NINL: variants seen among roughly 807,000 people sequenced by gnomAD.
NINL encodes ninein like.
In NINL, 153 loss-of-function variants were observed where a neutral mutation model predicts 160.3. The observed-to-expected ratio is 0.95, with a 90% CI of 0.84 to 1.09. NINL has a LOEUF of 1.09. NINL is among the 50% of genes least tolerant of loss of function. NINL has a pLI of 0.00. For synonymous variants in NINL, 800 were observed against 734.8 expected, an observed-to-expected ratio of 1.09 and a Z score of -1.43; for missense variants, 1,829 against 1,764.0, an observed-to-expected ratio of 1.04 and a Z score of -0.66.
intron 18 of NINL, 33 bp downstream of exon 18, chr20:25,469,958 C>A (rs2146430901): frequency 3.3e-6 from 5 of 1,535,514 alleles, no homozygotes; most frequent in Non-Finnish European, 4.5e-6. Context: ...AAAACGCACC[C>A]CCAGAAGGTC....
chr20:25,536,520 G>A (rs527772806), intron 1 of NINL, among the ~76,000 whole-genome samples: 1 of 152,304 alleles, frequency 6.6e-6, no homozygotes, highest in African/African-American at 2.4e-5. Flanking sequence ...AGACCAGCCT[G>A]GCCAACATGG....
chr20:25,575,659 G>A (rs1435238111), intron 1 of NINL, among the ~76,000 whole-genome samples: 1 of 151,854 alleles, frequency 6.6e-6, no homozygotes, highest in Non-Finnish European at 1.5e-5. Context: ...GCTGAGGCAG[G>A]AGAATTGTTG....
At chr20:25,560,785 G>A (rs2064924717) in intron 1 of NINL, among the ~76,000 whole-genome samples, 1 of 152,120 alleles carries the variant, frequency 6.6e-6, no homozygotes, top group East Asian at 1.9e-4. Flanking sequence ...AAGGAAGGAG[G>A]CAGCATCTGA....
chr20:25,477,034 C>G lies in NINL; in HGVS notation c.2257G>C (p.Ala753Pro), dbSNP rs377283535. The G allele has an allele frequency of 1.9e-6, 3 of 1,599,118 alleles. No individual in the cohort carries two copies. Among genetic ancestry groups the G allele is most frequent in the Non-Finnish European group, 2.5e-6 (3 of 1,179,622 alleles). Residue 753 changes from alanine to proline, a missense_variant, in exon 17 of 24, where the codon GCT becomes CCT. Coordinates refer to ENST00000278886, the MANE Select transcript of NINL (RefSeq NM_025176.6). The part of the protein sequence containing the change: ...GELSGLGALP[A>P]RRDLTLELEE... ...AGCTCCAAGGTCAGGTCTCTGCGAG[C>G]GGGCAGGGCTCCCAGCCCCGACAGC...
At chr20:25,553,300 T>C (rs1185004454) in intron 1 of NINL, among the ~76,000 whole-genome samples, 1 of 151,608 alleles carries the variant, frequency 6.6e-6, no homozygotes, top group Non-Finnish European at 1.5e-5. Flanking sequence ...AGACATACTG[T>C]TACAAAAAAA....
intron 1 of NINL, among the ~76,000 whole-genome samples, chr20:25,581,173 G>C (rs1256060544): frequency 6.6e-6 from 1 of 152,222 alleles, no homozygotes; most frequent in African/African-American, 2.4e-5. Context: ...GGGTGCAGTG[G>C]CTCACGCCCG....
At chr20:25,529,060 G>T (rs957354415) in intron 1 of NINL, among the ~76,000 whole-genome samples, 2 of 152,104 alleles carry the variant, frequency 1.3e-5, no homozygotes, top group African/African-American at 4.8e-5. Context: ...ACTCCCCAAT[G>T]GAAAATGTGC....
chr20:25,575,708 G>A (rs1358631030), intron 1 of NINL, among the ~76,000 whole-genome samples: 4 of 150,300 alleles, frequency 2.7e-5, no homozygotes, highest in African/African-American at 9.8e-5. Flanking sequence ...CCGAGATCGC[G>A]CCATCCAGCC....
rs758746224 is a variant in NINL, at chr20:25,476,591, G to A, written c.2700C>T (p.His900=). 2.3e-5 allele frequency: 36 copies of A among 1,598,620 alleles called. No individual in the cohort carries two copies. The highest frequency in any genetic ancestry group is 4.4e-5 in the South Asian group (4 of 90,782). Residue 900 remains histidine, a synonymous_variant, in exon 17 of 24, where the codon CAC becomes CAT. Transcript: ENST00000278886. ...TGCGTGACCACCTCTCTGAGGGGCC[G>A]TGGGATGCCGGGGCAGGGGCGGGGG... ...SPAPAPAPAS[H]GPSERWSRMQ...
At chr20:25,494,048 C>G (rs576848842) in intron 10 of NINL, among the ~76,000 whole-genome samples, 1 of 151,996 alleles carries the variant, frequency 6.6e-6, no homozygotes, top group African/African-American at 2.4e-5. Context: ...AGGGGGCCCA[C>G]AGGCCGCACA....
intron 2 of NINL, among the ~76,000 whole-genome samples, chr20:25,518,595 T>C (rs373672560): frequency 1.8e-4 from 27 of 152,340 alleles, no homozygotes; most frequent in African/African-American, 5.5e-4. Flanking sequence ...CTCTTAAGAA[T>C]AGTAACAGTT....
chr20:25,458,346 C>G, intron 22 of NINL, 37 bp downstream of exon 22: 1 of 1,602,372 alleles, frequency 6.2e-7, no homozygotes, highest in Non-Finnish European at 8.5e-7. Flanking sequence ...CCCTCCTCCT[C>G]ATCTCGTCAG....
At chr20:25,530,398 G>GT (rs2146984641) in intron 1 of NINL, among the ~76,000 whole-genome samples, 1 of 152,288 alleles carries the variant, frequency 6.6e-6, no homozygotes, top group South Asian at 2.1e-4. Context: ...GTGCAGGGCT[G>GT]TAACATCATG....
At chr20:25,474,789 ATT>A (rs1009503014) in intron 17 of NINL, among the ~76,000 whole-genome samples, 6 of 137,858 alleles carry the variant, frequency 4.4e-5, no homozygotes. Flanking sequence ...TAATTTTTGT[ATT>A]TTTTTTTTTT....
At chr20:25,548,739 C>G (rs1185671383) in intron 1 of NINL, among the ~76,000 whole-genome samples, 15 of 150,562 alleles carry the variant, frequency 1.0e-4, no homozygotes, top group Non-Finnish European at 2.2e-4. Context: ...ATCTCCCACA[C>G]CCGGCCTCAC....
intron 1 of NINL, among the ~76,000 whole-genome samples, chr20:25,528,663 C>G (rs2146972958): frequency 6.6e-6 from 1 of 152,004 alleles, no homozygotes; most frequent in South Asian, 2.1e-4. Context: ...TACTAAAACA[C>G]AAAAAACATT....
At position 25,453,474 on chromosome 20, in the gene NINL, C is replaced by CA; in HGVS notation, c.4125dup (p.Ala1376CysfsTer23). 6.2e-7 allele frequency: 1 copy of CA among 1,611,696 alleles called. No homozygotes were observed. The highest frequency in any genetic ancestry group is 8.5e-7 in the Non-Finnish European group (1 of 1,178,966). On this transcript the variant is annotated frameshift_variant, in exon 24 of 24. Coordinates refer to ENST00000278886, the MANE Select transcript of NINL (RefSeq NM_025176.6). LOFTEE classifies it high-confidence loss of function. ...CTTTACACAGAGAGGGCTGCGGGGG[C>CA]AATCCTACTGACGAGTTTGTTGAGA... is the stretch of plus-strand genomic sequence containing the variant.
intron 20 of NINL, among the ~76,000 whole-genome samples, chr20:25,462,064 G>A (rs1302617333): frequency 2.0e-5 from 3 of 152,162 alleles, no homozygotes; most frequent in Non-Finnish European, 4.4e-5. Flanking sequence ...CAAGGCTCTC[G>A]GGAACATCCC....
chr20:25,574,832 C>T (rs992240613), intron 1 of NINL, among the ~76,000 whole-genome samples: 3 of 152,042 alleles, frequency 2.0e-5, no homozygotes, highest in African/African-American at 7.2e-5. Flanking sequence ...ATGCAAAGCT[C>T]CTAGGAGTCT....
Sources: gnomAD v4.1 joint callset for allele counts (sites outside exome capture counted in the v4.1 genomes callset) on GRCh38, gnomAD v4.1.1 for gene constraint, MANE v1.5 for transcripts, NCBI Gene and HGNC (gene_info 2026-07-23, HGNC 2026-07-21) for gene names.